Variants in TNRC6B observed in about 807,000 individuals in gnomAD.
TNRC6B encodes the protein trinucleotide repeat-containing gene 6B protein.
In TNRC6B, 52 loss-of-function variants were observed where a neutral mutation model predicts 203.6. That is an observed-to-expected ratio of 0.26 (90% CI 0.20 to 0.32). The LOEUF (loss-of-function observed/expected upper bound fraction) is 0.32, where lower values mean the gene tolerates loss of function less well. Ranked by LOEUF, TNRC6B falls within the 10% of genes least tolerant of loss-of-function variation. The pLI is 1.00. For missense variants in TNRC6B, 1,923 were observed against 2,286.2 expected, an observed-to-expected ratio of 0.84 and a Z score of 3.24; for synonymous variants, 838 against 845.7, an observed-to-expected ratio of 0.99 and a Z score of 0.16.
intron 7 of TNRC6B, among the ~76,000 whole-genome samples, chr22:40,276,450 A>G (rs2070646194): frequency 6.6e-6 from 1 of 152,036 alleles, no homozygotes; most frequent in Admixed American, 6.6e-5. Context: ...TGCTTCCCTC[A>G]CAGAAGTGAA....
intron 19 of TNRC6B, among the ~76,000 whole-genome samples, chr22:40,313,237 C>G (rs1026900217): frequency 2.6e-5 from 4 of 152,146 alleles, no homozygotes; most frequent in African/African-American, 9.7e-5. Flanking sequence ...CTGCAGGGAG[C>G]TGGCATATCC....
chr22:40,322,928 C>T lies in TNRC6B; in HGVS notation c.5189C>T (p.Ala1730Val). The T allele has an allele frequency of 6.2e-7, 1 of 1,613,870 alleles. No homozygotes were observed. Among genetic ancestry groups the T allele is most frequent in the Non-Finnish European group, 8.5e-7 (1 of 1,179,820 alleles). Residue 1730 changes from alanine to valine, a missense_variant, in exon 23 of 23, where the codon GCT becomes GTT. Around this residue, in one of 8 missense-constraint regions of TNRC6B, gnomAD observed 126 missense variants for 137.5 expected, o/e 0.92. Coordinates refer to ENST00000454349, the MANE Select transcript of TNRC6B (RefSeq NM_001162501.2). ...DDEVSRFLAQ[A>V]QPPTPAATPS... is the part of the protein sequence containing the mutation. ...GAAGTCAGCCGCTTTCTGGCACAAG[C>T]TCAGCCCCCTACACCTGCAGCAACC...
intron 1 of TNRC6B, among the ~76,000 whole-genome samples, chr22:40,086,844 C>T (rs1208583941): frequency 6.6e-6 from 1 of 152,172 alleles, no homozygotes; most frequent in Non-Finnish European, 1.5e-5. Context: ...ATACTTTGTT[C>T]ATCATGTCCA....
intron 3 of TNRC6B, among the ~76,000 whole-genome samples, chr22:40,145,433 C>A (rs1399226838): frequency 1.3e-5 from 2 of 152,130 alleles, no homozygotes; most frequent in Admixed American, 6.5e-5. Context: ...GACTTCTCAG[C>A]TTTCAAAAAA....
intron 3 of TNRC6B, among the ~76,000 whole-genome samples, chr22:40,151,097 T>C (rs1287668985): frequency 3.5e-4 from 53 of 151,862 alleles, no homozygotes; most frequent in Admixed American, 3.4e-3. Flanking sequence ...ACAGAGACAA[T>C]GTAGGGAGCA....
intron 1 of TNRC6B, among the ~76,000 whole-genome samples, chr22:40,099,826 C>T (rs950026745): frequency 6.6e-6 from 1 of 152,144 alleles, no homozygotes; most frequent in African/African-American, 2.4e-5. Context: ...TCTCAGCTCA[C>T]TACAAGCTCC....
chr22:40,059,502 AC>A (rs1163948411), intron 1 of TNRC6B, among the ~76,000 whole-genome samples: 4 of 152,206 alleles, frequency 2.6e-5, no homozygotes, highest in African/African-American at 9.6e-5. Flanking sequence ...CAGAAGTGAT[AC>A]GAGTGGGCAT....
chr22:40,222,993 C>T (rs1025475154), intron 1 of TNRC6B, among the ~76,000 whole-genome samples: 5 of 151,910 alleles, frequency 3.3e-5, no homozygotes, highest in South Asian at 2.1e-4. Context: ...GCAGGCCACC[C>T]GCCTTGTCCT....
chr22:40,152,384 T>G (rs1035180816), intron 3 of TNRC6B, among the ~76,000 whole-genome samples: 2 of 152,226 alleles, frequency 1.3e-5, no homozygotes, highest in Non-Finnish European at 2.9e-5. Context: ...TGGAGTGCAG[T>G]GGCACGATCT....
At chr22:40,224,650 A>G (rs997889780) in intron 1 of TNRC6B, among the ~76,000 whole-genome samples, 1 of 152,252 alleles carries the variant, frequency 6.6e-6, no homozygotes, top group Non-Finnish European at 1.5e-5. Context: ...GTTCTGCATT[A>G]TGAAAAGAAA....
At chr22:40,263,778 T>C (rs1470587220) in intron 4 of TNRC6B, among the ~76,000 whole-genome samples, 1 of 152,216 alleles carries the variant, frequency 6.6e-6, no homozygotes, top group Non-Finnish European at 1.5e-5. Context: ...TTCATACTCA[T>C]GTGACACCCC....
intron 1 of TNRC6B, among the ~76,000 whole-genome samples, chr22:40,091,153 T>A (rs1404296556): frequency 2.6e-5 from 4 of 152,076 alleles, no homozygotes. Context: ...GCATAATTTT[T>A]TTTTTTATTT....
intron 1 of TNRC6B, among the ~76,000 whole-genome samples, chr22:40,057,682 A>G (rs1402640910): frequency 6.6e-6 from 1 of 152,188 alleles, no homozygotes; most frequent in Non-Finnish European, 1.5e-5. Flanking sequence ...AGGCTTTCTA[A>G]CCTGGAGACC....
At chr22:40,271,280 C>T (rs1373921990) in intron 6 of TNRC6B, among the ~76,000 whole-genome samples, 3 of 152,186 alleles carry the variant, frequency 2.0e-5, no homozygotes, top group Non-Finnish European at 4.4e-5. Context: ...CATCTCTTTT[C>T]TACCATATAG....
chr22:40,068,612 C>T (rs1218065266), intron 1 of TNRC6B, among the ~76,000 whole-genome samples: 4 of 152,134 alleles, frequency 2.6e-5, no homozygotes, highest in African/African-American at 9.7e-5. Flanking sequence ...GCCACCGCGC[C>T]TGGCCTCTTG....
Position 40,227,678 on chromosome 22 carries a change from A to G in TNRC6B, c.6-18337A>G, listed in dbSNP as rs188816526. ...AAAATTACCTTTTAATGGAATTTCA[A>G]TTTACTGTGATTTTGATGTTGAACT... On this transcript the variant is annotated intron_variant, in intron 1 of 22. Transcript: ENST00000454349. Among the ~76,000 whole-genome samples, 49 of 152,196 alleles carry G rather than the reference A, an allele frequency of 3.2e-4. No individual in the cohort carries two copies. The East Asian group carries it at 6.6e-3, about 20-fold the overall frequency.
chr22:40,147,658 T>C (rs764975839), intron 3 of TNRC6B, among the ~76,000 whole-genome samples: 1 of 152,202 alleles, frequency 6.6e-6, no homozygotes, highest in Non-Finnish European at 1.5e-5. Flanking sequence ...AGAACTCTTA[T>C]GACCTAAACA....
intron 3 of TNRC6B, among the ~76,000 whole-genome samples, chr22:40,131,211 G>A (rs866316809): frequency 1.5e-4 from 23 of 152,098 alleles, no homozygotes; most frequent in African/African-American, 5.3e-4. Context: ...GAGCCACTGT[G>A]CCCAGCGCGG....
At position 40,326,608 on chromosome 22, in the gene TNRC6B, G is replaced by A. The variant is rs1226750851; in HGVS notation, c.*3367G>A. On this transcript the variant is annotated 3_prime_UTR_variant, in exon 23 of 23. Transcript: ENST00000454349. ...CCCTAGTAATTTTTATTTTTTTAAA[G>A]GAACCCTTCTCCTTGTCCCCACAAC... 6.6e-6 allele frequency: 1 copy of A among 152,178 alleles called. No homozygotes were observed. The highest frequency in any genetic ancestry group is 2.4e-5 in the African/African-American group (1 of 41,280). The allele number at this position is 152,178 out of a possible 1,614,324, so 9.4% of individuals were successfully genotyped here. A position where few individuals can be genotyped will look rare whatever the true frequency, so the allele number is the denominator to read the frequency against.
Sources: gnomAD v4.1 joint callset for allele counts (sites outside exome capture counted in the v4.1 genomes callset) on GRCh38, gnomAD v4.1.1 for gene constraint, gnomAD v4.1.1 regional missense constraint, MANE v1.5 for transcripts, NCBI Gene and HGNC (gene_info 2026-07-23, HGNC 2026-07-21) for gene names.